Variants in GRID2 observed in about 807,000 individuals in gnomAD.
The protein encoded by GRID2 is glutamate receptor ionotropic, delta-2.
GRID2 carries 33 observed loss-of-function variants against 114.8 expected under a neutral mutation model. The observed-to-expected ratio is 0.29, with a 90% confidence interval of 0.22 to 0.38. GRID2 has a LOEUF of 0.38. Among genes scored for constraint, GRID2 ranks in the 10% least tolerant of loss-of-function variants. The probability of loss-of-function intolerance (pLI) is 1.00; values close to 1 mark genes in which losing one functional copy is unlikely to be tolerated. For missense variants in GRID2, 1,184 were observed against 1,257.7 expected (o/e 0.94, Z 0.89); for synonymous variants, 505 against 449.9 (o/e 1.12, Z -1.55).
intron 1 of GRID2, among the ~76,000 whole-genome samples, chr4:92,378,126 T>A (rs1382060310): frequency 2.0e-5 from 3 of 151,964 alleles, no homozygotes; most frequent in African/African-American, 7.2e-5. Flanking sequence ...AGAAAAATGA[T>A]GCCTGGAGAG....
At chr4:92,555,054 A>G (rs1726783348) in intron 1 of GRID2, among the ~76,000 whole-genome samples, 1 of 152,182 alleles carries the variant, frequency 6.6e-6, no homozygotes, top group African/African-American at 2.4e-5. Context: ...AAAGAGAAGG[A>G]TGATTTTCAG....
chr4:92,819,870 A>G (rs1366992386), intron 2 of GRID2, among the ~76,000 whole-genome samples: 1 of 152,154 alleles, frequency 6.6e-6, no homozygotes, highest in African/African-American at 2.4e-5. Context: ...AATGAAGAGA[A>G]ATGATAAAAG....
intron 6 of GRID2, among the ~76,000 whole-genome samples, chr4:93,223,227 G>T (rs919131420): frequency 6.6e-6 from 1 of 152,088 alleles, no homozygotes; most frequent in Non-Finnish European, 1.5e-5. Context: ...AAAATGGGGA[G>T]TGGCTGGGAT....
At chr4:93,593,149 T>G (rs1738591076) in intron 13 of GRID2, among the ~76,000 whole-genome samples, 1 of 151,744 alleles carries the variant, frequency 6.6e-6, no homozygotes, top group Admixed American at 6.6e-5. Flanking sequence ...CTTCCTAGTC[T>G]CGATGGGCTT....
At chr4:93,219,948 T>C (rs1206095107) in intron 6 of GRID2, among the ~76,000 whole-genome samples, 1 of 152,090 alleles carries the variant, frequency 6.6e-6, no homozygotes, top group African/African-American at 2.4e-5. Context: ...TGCTTTGAAT[T>C]AGGCTTGCCA....
chr4:93,700,267 C>G (rs1241641284), intron 14 of GRID2, among the ~76,000 whole-genome samples: 1 of 152,010 alleles, frequency 6.6e-6, no homozygotes, highest in Admixed American at 6.6e-5. Flanking sequence ...AAATATAAAC[C>G]ATCTTATTCA....
intron 8 of GRID2, among the ~76,000 whole-genome samples, chr4:93,394,825 A>G (rs1483999563): frequency 6.6e-6 from 1 of 151,918 alleles, no homozygotes; most frequent in Non-Finnish European, 1.5e-5. Flanking sequence ...CTGCTAATTC[A>G]AGTCAAATCA....
At chr4:93,800,643 T>C (rs17021151) in intron 1 of GRID2, among the ~76,000 whole-genome samples, 3,678 of 152,318 alleles carry the variant, frequency 0.024, 92 homozygotes, top group South Asian at 0.11. Flanking sequence ...ATGTTTTTCT[T>C]AGATACTTGC....
intron 11 of GRID2, among the ~76,000 whole-genome samples, chr4:93,475,287 A>G (rs1725215938): frequency 6.6e-6 from 1 of 152,168 alleles, no homozygotes; most frequent in African/African-American, 2.4e-5. Context: ...TCTTTAAAAT[A>G]CTCTCCTAAG....
chr4:93,433,322 A>G (rs2149382583), intron 10 of GRID2, among the ~76,000 whole-genome samples: 1 of 152,308 alleles, frequency 6.6e-6, no homozygotes, highest in African/African-American at 2.4e-5. Context: ...CAAAGTTTTC[A>G]GAGAAGGAGA....
chr4:92,578,119 CTTA>C (rs1170698686), intron 1 of GRID2, among the ~76,000 whole-genome samples: 9 of 88,630 alleles, frequency 1.0e-4, no homozygotes, highest in Admixed American at 4.7e-4. Context: ...TCTTCTTTTT[CTTA>C]TTATTATTAT....
chr4:93,797,142 T>A (rs1291508445), intron 1 of GRID2, among the ~76,000 whole-genome samples: 1 of 152,198 alleles, frequency 6.6e-6, no homozygotes, highest in African/African-American at 2.4e-5. Flanking sequence ...AAAAATGTGG[T>A]ATTATAATCT....
chr4:93,441,673 A>T (rs577027217), intron 10 of GRID2, among the ~76,000 whole-genome samples: 3 of 152,108 alleles, frequency 2.0e-5, no homozygotes, highest in African/African-American at 7.2e-5. Context: ...ACAAATATTC[A>T]GAATGAATAT....
At chr4:92,919,207 T>C (rs1262139955) in intron 2 of GRID2, among the ~76,000 whole-genome samples, 1 of 152,210 alleles carries the variant, frequency 6.6e-6, no homozygotes, top group African/African-American at 2.4e-5. Context: ...ATCCCCTTTA[T>C]CATTTTTTAT....
chr4:92,799,554 T>C (rs552888329), intron 2 of GRID2, among the ~76,000 whole-genome samples: 1 of 152,148 alleles, frequency 6.6e-6, no homozygotes, highest in South Asian at 2.1e-4. Context: ...TGTCCTCACA[T>C]CATCTTTTTT....
At chr4:92,418,637 C>T (rs77443675) in intron 1 of GRID2, among the ~76,000 whole-genome samples, 6,522 of 151,836 alleles carry the variant, frequency 0.043, 153 homozygotes, top group South Asian at 0.08. Flanking sequence ...AAGATAGAGG[C>T]GGGAAAGATG....
At chr4:93,511,594 G>A (rs568471337) in intron 12 of GRID2, among the ~76,000 whole-genome samples, 2 of 152,240 alleles carry the variant, frequency 1.3e-5, no homozygotes, top group African/African-American at 2.4e-5. Context: ...GTGTGCATGA[G>A]TAAGACTGTG....
chr4:92,833,006 C>T (rs974611464), intron 2 of GRID2, among the ~76,000 whole-genome samples: 1 of 152,088 alleles, frequency 6.6e-6, no homozygotes, highest in African/African-American at 2.4e-5. Flanking sequence ...GTTATGTTTA[C>T]AAAATCCCTA....
intron 2 of GRID2, among the ~76,000 whole-genome samples, chr4:92,707,065 T>G (rs2149306185): frequency 6.6e-6 from 1 of 152,294 alleles, no homozygotes; most frequent in East Asian, 1.9e-4. Flanking sequence ...ACTTTCCTCT[T>G]AATTCTTCTG....
Sources: allele counts gnomAD v4.1 joint callset (sites outside exome capture counted in the v4.1 genomes callset), GRCh38; gene constraint gnomAD v4.1.1; transcripts MANE v1.5; gene names NCBI Gene and HGNC (gene_info 2026-07-23, HGNC 2026-07-21).